Variants in NETO1 observed in about 807,000 individuals in gnomAD.
The protein encoded by NETO1 is neuropilin and tolloid like 1.
A neutral mutation model predicts 61.3 loss-of-function variants in NETO1; 26 were observed. That is an observed-to-expected ratio of 0.42 (90% confidence interval 0.31 to 0.59). The LOEUF (loss-of-function observed/expected upper bound fraction) is 0.59. Among genes scored for constraint, NETO1 ranks in the 20% least tolerant of loss-of-function variants. The probability of loss-of-function intolerance (pLI) is 0.12; values close to 1 mark genes in which losing one functional copy is unlikely to be tolerated. For synonymous variants in NETO1, 225 were observed against 225.8 expected (o/e 1.00, Z 0.03); for missense variants, 531 against 662.8 (o/e 0.80, Z 2.18).
intron 3 of NETO1, among the ~76,000 whole-genome samples, chr18:72,862,974 C>A (rs191377177): frequency 6.6e-6 from 1 of 152,250 alleles, no homozygotes; most frequent in Non-Finnish European, 1.5e-5. Context: ...ACTGATGCCG[C>A]TTCTTTAGTA....
At chr18:72,845,590 C>T (rs767318202) in intron 4 of NETO1, among the ~76,000 whole-genome samples, 11 of 152,160 alleles carry the variant, frequency 7.2e-5, no homozygotes, top group Non-Finnish European at 1.3e-4. Flanking sequence ...CATCATGTAA[C>T]ATATTTTAAT....
intron 4 of NETO1, chr18:72,835,066 T>C (rs541890263): frequency 3.6e-5 from 38 of 1,068,238 alleles, no homozygotes; most frequent in South Asian, 1.3e-4. Context: ...CTGGGGAAAA[T>C]TGAACCTTCA....
chr18:72,768,258 T>A (rs931138888), intron 7 of NETO1, among the ~76,000 whole-genome samples: 10 of 152,154 alleles, frequency 6.6e-5, no homozygotes, highest in African/African-American at 2.4e-4. Context: ...TTTTCTACAG[T>A]AATAAAATAT....
At chr18:72,850,019 A>C (rs2074203343) in intron 4 of NETO1, among the ~76,000 whole-genome samples, 1 of 152,242 alleles carries the variant, frequency 6.6e-6, no homozygotes, top group Non-Finnish European at 1.5e-5. Flanking sequence ...ATAATCCAAG[A>C]TAATCTCCCT....
At chr18:72,786,906 C>T (rs1285900153) in intron 6 of NETO1, among the ~76,000 whole-genome samples, 1 of 150,192 alleles carries the variant, frequency 6.7e-6, no homozygotes, top group South Asian at 2.1e-4. Context: ...AGAGCGAGAC[C>T]CCATCTCCAA....
At chr18:72,853,263 C>T (rs1280535663) in intron 4 of NETO1, 1 of 152,084 alleles carries the variant, frequency 6.6e-6, no homozygotes, top group Non-Finnish European at 1.5e-5. Flanking sequence ...AGAGCCTCTG[C>T]TAGGGCTGAA....
intron 3 of NETO1, among the ~76,000 whole-genome samples, chr18:72,859,553 A>G (rs1250175993): frequency 6.6e-6 from 1 of 152,234 alleles, no homozygotes; most frequent in African/African-American, 2.4e-5. Flanking sequence ...AAGGACATTA[A>G]GAGTAATTTT....
Position 72,781,384 on chromosome 18 carries a change from T to C in NETO1, c.868+2294A>G, listed in dbSNP as rs2071734632. Among the ~76,000 whole-genome samples the C allele has an allele frequency of 2.6e-5, 4 of 152,322 alleles. No homozygotes were observed. In the South Asian group the frequency reaches 6.2e-4, roughly 24 times the overall value. On this transcript the variant is annotated intron_variant, in intron 7 of 10. Transcript: ENST00000327305. Reference sequence around the variant, plus strand: ...AATCAGCAGTGAGCCACCAAGGGTGTTGTCTTGTAGCCTGAGTCTCATATG... The same window carrying C: ...AATCAGCAGTGAGCCACCAAGGGTGCTGTCTTGTAGCCTGAGTCTCATATG...
At chr18:72,798,667 G>A (rs2072400860) in intron 4 of NETO1, among the ~76,000 whole-genome samples, 1 of 152,084 alleles carries the variant, frequency 6.6e-6, no homozygotes. Flanking sequence ...TCACAGTTTT[G>A]GTAAGCCCAC....
At chr18:72,790,205 G>A (rs558651397) in intron 6 of NETO1, among the ~76,000 whole-genome samples, 13 of 152,042 alleles carry the variant, frequency 8.6e-5, no homozygotes, top group African/African-American at 2.4e-4. Flanking sequence ...ACTCTGTCCC[G>A]TATCCCGTCC....
At chr18:72,820,418 T>A (rs2073155768) in intron 4 of NETO1, among the ~76,000 whole-genome samples, 1 of 152,228 alleles carries the variant, frequency 6.6e-6, no homozygotes, top group Non-Finnish European at 1.5e-5. Flanking sequence ...TCCTTTGTTA[T>A]TTTTACATAA....
chr18:72,828,131 G>A (rs572872385), intron 4 of NETO1, among the ~76,000 whole-genome samples: 211 of 152,240 alleles, frequency 1.4e-3, no homozygotes, highest in Middle Eastern at 6.8e-3. Flanking sequence ...AGGCCAATAT[G>A]GCGAAACCCC....
Position 72,794,508 on chromosome 18 carries a change from C to A in NETO1, c.470-104G>T, listed in dbSNP as rs945970942. 2.7e-6 allele frequency: 3 copies of A among 1,109,624 alleles called. No individual in the cohort carries two copies. The African/African-American group carries it at 4.7e-5, about 17-fold the overall frequency. The allele number at this position is 1,109,624 out of a possible 1,614,324, so 68.7% of individuals were successfully genotyped here. On this transcript the variant is annotated intron_variant, in intron 4 of 10. Coordinates refer to ENST00000327305, the MANE Select transcript of NETO1 (RefSeq NM_138966.5). ...TTTTCCAGAAATCTACCTTAAAAAA[C>A]ACATTAGGGAAAAGTAAAAAACACA...
At chr18:72,781,350 G>A (rs1044332271) in intron 7 of NETO1, among the ~76,000 whole-genome samples, 11 of 152,120 alleles carry the variant, frequency 7.2e-5, no homozygotes, top group South Asian at 4.1e-4. Flanking sequence ...TCATTGAATT[G>A]GGTAGATCAA....
chr18:72,801,698 A>G (rs1211917787), intron 4 of NETO1, among the ~76,000 whole-genome samples: 5 of 152,226 alleles, frequency 3.3e-5, no homozygotes, highest in African/African-American at 1.2e-4. Context: ...AGCAAGAATT[A>G]AGTATGTTTG....
At chr18:72,865,833 C>A in intron 1 of NETO1, 1 of 680,380 alleles carries the variant, frequency 1.5e-6, no homozygotes, top group Non-Finnish European at 2.2e-6. Flanking sequence ...TCTGAACCTC[C>A]AAGTAACCCC....
In NETO1 at chr18:72,768,043, T is replaced by C. The variant is rs548405252; in HGVS notation, c.869-11896A>G. Among the ~76,000 whole-genome samples the C allele has an allele frequency of 5.3e-5, 8 of 152,318 alleles. No individual in the cohort carries two copies. The East Asian group carries it at 1.4e-3, about 26-fold the overall frequency. ...AGTCCAGGCATCACACGTAAGAAAG[T>C]GGAAGAACTGGCTGACACTGAACAT... is the stretch of plus-strand genomic sequence containing the variant. On this transcript the variant is annotated intron_variant, in intron 7 of 10. Coordinates refer to ENST00000327305, the MANE Select transcript of NETO1 (RefSeq NM_138966.5).
At chr18:72,841,733 CAACAAAA>C (rs1398218451) in intron 4 of NETO1, among the ~76,000 whole-genome samples, 4 of 70,992 alleles carry the variant, frequency 5.6e-5, no homozygotes, top group Non-Finnish European at 1.0e-4. Context: ...GACTCTACCT[CAACAAAA>C]AAAAAAAAAA....
chr18:72,814,861 C>A (rs9807571), intron 4 of NETO1, among the ~76,000 whole-genome samples: 22,601 of 151,742 alleles, frequency 0.15, 1,872 homozygotes, highest in Middle Eastern at 0.23. Context: ...GTTATCATTG[C>A]ATCAATGAAA....
Sources: allele counts gnomAD v4.1 joint callset (sites outside exome capture counted in the v4.1 genomes callset), GRCh38; gene constraint gnomAD v4.1.1; transcripts MANE v1.5; gene names NCBI Gene and HGNC (gene_info 2026-07-23, HGNC 2026-07-21).